Variants in FCHSD2 observed in about 807,000 individuals in gnomAD.
FCHSD2 encodes F-BAR and double SH3 domains protein 2.
A neutral mutation model predicts 108.1 loss-of-function variants in FCHSD2; 38 were observed. The observed-to-expected ratio is 0.35, with a 90% CI of 0.27 to 0.46. The LOEUF (loss-of-function observed/expected upper bound fraction) is 0.46. Among genes scored for constraint, FCHSD2 ranks in the 20% least tolerant of loss-of-function variants. FCHSD2 has a pLI of 1.00. For missense variants in FCHSD2, 751 were observed against 897.8 expected, an observed-to-expected ratio of 0.84 and a Z score of 2.09; for synonymous variants, 279 against 314.7, an observed-to-expected ratio of 0.89 and a Z score of 1.20.
rs543159156 is a variant in FCHSD2 at position 73,040,895 on chromosome 11, C to CT, written c.166-25011dup. ...ACCTTCCCACAAACTGCTCCCCCCCCTCTTTGGTAACTATCATTCTACTCT... is the reference window on the plus strand; with the variant it reads ...ACCTTCCCACAAACTGCTCCCCCCCCTTCTTTGGTAACTATCATTCTACTCT... On this transcript the variant is annotated intron_variant, in intron 3 of 19. Coordinates refer to ENST00000409418, the MANE Select transcript of FCHSD2 (RefSeq NM_014824.3). Among the ~76,000 whole-genome samples the CT allele has an allele frequency of 1.4e-3, 216 of 152,282 alleles. 1 individual carries two copies. Among genetic ancestry groups the CT allele is most frequent in the Middle Eastern group, 3.4e-3 (1 of 294 alleles).
At chr11:73,103,835 G>A (rs921705485) in intron 2 of FCHSD2, among the ~76,000 whole-genome samples, 3 of 152,132 alleles carry the variant, frequency 2.0e-5, no homozygotes, top group Admixed American at 6.5e-5. Flanking sequence ...AACTTGATGT[G>A]GTATTCTTCT....
intron 9 of FCHSD2, among the ~76,000 whole-genome samples, chr11:72,917,694 T>C (rs367780229): frequency 1.1e-4 from 16 of 152,184 alleles, no homozygotes; most frequent in African/African-American, 3.6e-4. Context: ...AAGACTAGCC[T>C]GGCTAACATG....
chr11:72,931,443 A>G (rs1856190490), intron 8 of FCHSD2, among the ~76,000 whole-genome samples: 1 of 150,280 alleles, frequency 6.7e-6, no homozygotes, highest in Admixed American at 6.6e-5. Context: ...AAATTTTAAA[A>G]ATTAATTTAA....
intron 8 of FCHSD2, among the ~76,000 whole-genome samples, chr11:72,969,503 T>C (rs2135382778): frequency 6.6e-6 from 1 of 152,268 alleles, no homozygotes; most frequent in East Asian, 1.9e-4. Context: ...GTAGAGAGTA[T>C]TTGTCCCATT....
intron 3 of FCHSD2, among the ~76,000 whole-genome samples, chr11:73,038,915 C>T (rs992006884): frequency 3.9e-5 from 6 of 152,158 alleles, no homozygotes; most frequent in Admixed American, 1.3e-4. Context: ...ATGCCTCCCA[C>T]TTTAGTGTTC....
chr11:73,142,057 G>A lies in FCHSD2; in HGVS notation c.-180C>T, dbSNP rs150901635. 661 of 588,676 alleles carry A rather than the reference G, an allele frequency of 1.1e-3. 12 individuals carry two copies. In the East Asian group the frequency reaches 0.02, roughly 18 times the overall value. 36.5% of individuals were successfully genotyped at this position (588,676 alleles called of 1,614,324 possible). A position where few individuals can be genotyped will look rare whatever the true frequency, so the allele number is the denominator to read the frequency against. Reference sequence around the variant, plus strand: ...GGGCGGCAGGCGGACCCCAGCCAGAGAGCGAGTGTGAGGAGACGAGGGAGG... The same window carrying A: ...GGGCGGCAGGCGGACCCCAGCCAGAAAGCGAGTGTGAGGAGACGAGGGAGG... On this transcript the variant is annotated 5_prime_UTR_variant, in exon 1 of 20. Coordinates refer to ENST00000409418, the MANE Select transcript of FCHSD2 (RefSeq NM_014824.3).
In FCHSD2 at chr11:72,838,451, C is replaced by G. The variant is rs1306754130; in HGVS notation, c.*340G>C. The G allele has an allele frequency of 3.0e-6, 1 of 334,354 alleles. No homozygotes were observed. The highest frequency in any genetic ancestry group is 2.1e-5 in the African/African-American group (1 of 48,088). 20.7% of individuals were successfully genotyped at this position (334,354 alleles called of 1,614,324 possible). On this transcript the variant is annotated 3_prime_UTR_variant, in exon 20 of 20. Transcript: ENST00000409418. Reference sequence around the variant, plus strand: ...AATATACTGTACGAGTGCACATGATCAGTAATTTAGGGACTGTGCCCTGGA... The same window carrying G: ...AATATACTGTACGAGTGCACATGATGAGTAATTTAGGGACTGTGCCCTGGA...
intron 1 of FCHSD2, chr11:73,141,260 C>G (rs1861240551): frequency 6.5e-6 from 1 of 152,908 alleles, no homozygotes; most frequent in Non-Finnish European, 1.5e-5. Context: ...GACAGCACGA[C>G]AGCCTCCTCG....
At chr11:72,958,519 A>C (rs1856757664) in intron 8 of FCHSD2, among the ~76,000 whole-genome samples, 1 of 152,238 alleles carries the variant, frequency 6.6e-6, no homozygotes, top group African/African-American at 2.4e-5. Flanking sequence ...TCCATCTCAA[A>C]AAAACAAAAC....
At chr11:72,985,521 G>A (rs892309330) in intron 6 of FCHSD2, among the ~76,000 whole-genome samples, 1 of 152,202 alleles carries the variant, frequency 6.6e-6, no homozygotes, top group East Asian at 1.9e-4. Context: ...AACCTATGGA[G>A]GCAAGCGTCA....
chr11:72,982,858 G>GT (rs1857239178), intron 8 of FCHSD2, among the ~76,000 whole-genome samples: 1 of 152,146 alleles, frequency 6.6e-6, no homozygotes, highest in Admixed American at 6.5e-5. Flanking sequence ...AAAAATCTAA[G>GT]TTTTTTTAGA....
At chr11:72,973,645 T>C (rs1296710427) in intron 8 of FCHSD2, among the ~76,000 whole-genome samples, 1 of 152,224 alleles carries the variant, frequency 6.6e-6, no homozygotes, top group Non-Finnish European at 1.5e-5. Flanking sequence ...AGATTTCCAC[T>C]GTACTGAGAG....
intron 8 of FCHSD2, among the ~76,000 whole-genome samples, chr11:72,967,130 G>A (rs1161668322): frequency 6.6e-6 from 1 of 151,716 alleles, no homozygotes; most frequent in Non-Finnish European, 1.5e-5. Context: ...AACCCGGGAG[G>A]CAGAGCTTGC....
chr11:72,997,754 G>A (rs922446089), intron 5 of FCHSD2, among the ~76,000 whole-genome samples: 1 of 152,224 alleles, frequency 6.6e-6, no homozygotes, highest in Non-Finnish European at 1.5e-5. Context: ...AGGCTGGAGT[G>A]CAGTGGCACG....
At chr11:72,999,552 T>C (rs60812177) in intron 5 of FCHSD2, among the ~76,000 whole-genome samples, 2,591 of 152,218 alleles carry the variant, frequency 0.017, 38 homozygotes, top group African/African-American at 0.042. Flanking sequence ...ATTCCTGACC[T>C]CAGGTGATCC....
intron 3 of FCHSD2, among the ~76,000 whole-genome samples, chr11:73,057,950 G>A (rs913850287): frequency 2.6e-5 from 4 of 151,642 alleles, no homozygotes; most frequent in Non-Finnish European, 5.9e-5. Flanking sequence ...CACGATCTTG[G>A]CTCACTGCAA....
intron 12 of FCHSD2, among the ~76,000 whole-genome samples, chr11:72,879,713 G>A (rs1855040987): frequency 6.6e-6 from 1 of 152,078 alleles, no homozygotes; most frequent in Non-Finnish European, 1.5e-5. Context: ...ATCAAACTGA[G>A]ACTGAGATAA....
At position 72,875,399 on chromosome 11, in the gene FCHSD2, G is replaced by A. The variant is rs533647628; in HGVS notation, c.1147-7373C>T. Among the ~76,000 whole-genome samples, 3 of 152,300 alleles carry A rather than the reference G, an allele frequency of 2.0e-5. No individual in the cohort carries two copies. The South Asian group carries it at 6.2e-4, about 32-fold the overall frequency. On this transcript the variant is annotated intron_variant, in intron 12 of 19. Transcript: ENST00000409418. ...TATTTATTTGACAGAGTCTCGCTCT[G>A]CTGCCCAGGCTAGAGTGCAGTGGTG...
chr11:72,964,789 C>CTT lies in FCHSD2; in HGVS notation c.705+19297_705+19298dup, dbSNP rs35280672. 4.8e-3 allele frequency among the ~76,000 whole-genome samples: 637 copies of CTT among 132,184 alleles called. 11 individuals are homozygous for CTT. The highest frequency in any genetic ancestry group is 0.014 in the African/African-American group (489 of 35,438). 86.7% of individuals were successfully genotyped at this position (132,184 alleles called of 152,430 possible). ...CAAACATGTAAATTTGATCATTTCA[C>CTT]TTTTTTTTTTTTTTTTTTGAGATGG... On this transcript the variant is annotated intron_variant, in intron 8 of 19. Coordinates refer to ENST00000409418, the MANE Select transcript of FCHSD2 (RefSeq NM_014824.3).
Sources: allele counts gnomAD v4.1 joint callset (sites outside exome capture counted in the v4.1 genomes callset), GRCh38; gene constraint gnomAD v4.1.1; transcripts MANE v1.5; gene names NCBI Gene and HGNC (gene_info 2026-07-23, HGNC 2026-07-21).